The following LRRC40 variants were observed in gnomAD, a reference collection of about 807,000 sequenced individuals.
LRRC40 encodes leucine rich repeat containing 40, also known as leucine-rich repeat-containing protein 40.
A neutral mutation model predicts 72.8 loss-of-function variants in LRRC40; 76 were observed. The ratio of observed to expected loss-of-function variants is 1.04; its 90% confidence interval spans 0.87 to 1.26. The LOEUF is 1.26. Among genes scored for constraint, LRRC40 ranks in the 50% most tolerant of loss-of-function variants. The pLI, the probability that LRRC40 is intolerant of heterozygous loss-of-function variation, is 0.00. For synonymous variants in LRRC40, 243 were observed against 254.2 expected (o/e 0.96, Z 0.42); for missense variants, 684 against 698.9 (o/e 0.98, Z 0.24).
At chr1:70,159,294 T>C in intron 10 of LRRC40, 36 bp downstream of exon 10, 3 of 988,728 alleles carry the variant, frequency 3.0e-6, no homozygotes, top group Non-Finnish European at 4.5e-6. Flanking sequence ...TAAGACCCTA[T>C]CTCTATAAAA....
At chr1:70,184,018 G>A (rs1668306662) in intron 4 of LRRC40, among the ~76,000 whole-genome samples, 1 of 152,136 alleles carries the variant, frequency 6.6e-6, no homozygotes, top group Non-Finnish European at 1.5e-5. Context: ...GGAGGCTGAG[G>A]AGGGTGGATC....
intron 1 of LRRC40, among the ~76,000 whole-genome samples, chr1:70,195,756 C>T (rs1161077682): frequency 1.3e-5 from 2 of 152,140 alleles, no homozygotes; most frequent in Non-Finnish European, 2.9e-5. Flanking sequence ...CCTCAGCCTC[C>T]CGAGCAGCAG....
chr1:70,205,542 T>A lies in LRRC40; in HGVS notation c.-2A>T. The A allele has an allele frequency of 6.3e-7, 1 of 1,590,510 alleles. No homozygotes were observed. Among genetic ancestry groups the A allele is most frequent in the Non-Finnish European group, 8.6e-7 (1 of 1,162,088 alleles). On this transcript the variant is annotated 5_prime_UTR_variant, in exon 1 of 15. Transcript: ENST00000370952. ...CGCTATCCGCTTCAGGCGCGACATG[T>A]TCAAAGTCCTAGGTCCAGAAGCTGC...
At chr1:70,183,678 A>C (rs917905118) in intron 4 of LRRC40, among the ~76,000 whole-genome samples, 3 of 151,884 alleles carry the variant, frequency 2.0e-5, no homozygotes, top group Non-Finnish European at 4.4e-5. Context: ...CAGCCTTCTG[A>C]GTAGCTGAGA....
chr1:70,182,126 T>A lies in LRRC40; in HGVS notation c.538-917A>T, dbSNP rs557448805. ...AAAAATACTGGATCAAATCTTTTTT[T>A]AAAAACATACTGTTATAATTATTTT... is the stretch of plus-strand genomic sequence containing the variant. On this transcript the variant is annotated intron_variant, in intron 4 of 14. Transcript: ENST00000370952. Among the ~76,000 whole-genome samples the A allele has an allele frequency of 9.5e-4, 144 of 152,122 alleles. 5 individuals carry two copies. The highest frequency in any genetic ancestry group is 8.6e-3 in the Admixed American group (131 of 15,286).
chr1:70,151,383 G>T (rs188880087), intron 12 of LRRC40, among the ~76,000 whole-genome samples, 178 bp from the exon 13 acceptor site: 4 of 152,036 alleles, frequency 2.6e-5, no homozygotes, highest in Admixed American at 2.6e-4. Flanking sequence ...GCAGTTATTC[G>T]GTTAGTATGC....
chr1:70,157,641 G>A (rs893033107), intron 10 of LRRC40, among the ~76,000 whole-genome samples: 5 of 152,084 alleles, frequency 3.3e-5, no homozygotes, highest in Non-Finnish European at 7.4e-5. Flanking sequence ...ATGAGGGAAT[G>A]GAAGCCAGAA....
intron 1 of LRRC40, 133 bp downstream of exon 1, chr1:70,205,257 T>G: frequency 4.9e-6 from 4 of 816,330 alleles, no homozygotes; most frequent in Non-Finnish European, 7.4e-6. Flanking sequence ...AGCACAGGGA[T>G]TAGATTAGAG....
At position 70,175,872 on chromosome 1, in the gene LRRC40, TG is replaced by T. The variant is rs774764231; in HGVS notation, c.914del (p.Pro305GlnfsTer15). 1.9e-6 allele frequency: 3 copies of T among 1,601,072 alleles called. No individual in the cohort carries two copies. Among genetic ancestry groups the T allele is most frequent in the East Asian group, 4.6e-5 (2 of 43,952 alleles). On this transcript the variant is annotated frameshift_variant, in exon 7 of 15. Coordinates refer to ENST00000370952, the MANE Select transcript of LRRC40 (RefSeq NM_017768.5). LOFTEE classifies it high-confidence loss of function. ...AGGACCGTAGTAGTATAATTTCATCTGGAACAGATTTTAACTTGTTATCCCT... is the reference window on the plus strand; with the variant it reads ...AGGACCGTAGTAGTATAATTTCATCTGAACAGATTTTAACTTGTTATCCCT... ...DLRDNKLKSVPDEIILLRSLE... is the reference protein window; with the variant it reads ...DLRDNKLKSVXDEIILLRSLE...
intron 6 of LRRC40, among the ~76,000 whole-genome samples, chr1:70,178,378 A>T (rs772430620): frequency 6.6e-6 from 1 of 152,226 alleles, no homozygotes. Flanking sequence ...TTAACACTAG[A>T]GCTTAAAGGT....
Position 70,184,904 on chromosome 1 carries a change from G to A in LRRC40, c.418C>T (p.Leu140=). ...GTAATTTCTTCAGGGAGTATTTTCA[G>A]TTTATTATGGCTATTGGTTGATAAA... ...LQKLNVSHNK[L]KILPEEITNL... Residue 140 remains leucine (L), a synonymous_variant, in exon 4 of 15, where the codon CTG becomes TTG. Coordinates refer to ENST00000370952, the MANE Select transcript of LRRC40 (RefSeq NM_017768.5). The A allele has an allele frequency of 2.5e-6, 4 of 1,600,256 alleles. No homozygotes were observed. Among genetic ancestry groups the A allele is most frequent in the Non-Finnish European group, 3.4e-6 (4 of 1,169,270 alleles).
At chr1:70,179,713 A>G (rs1180676961) in intron 5 of LRRC40, among the ~76,000 whole-genome samples, 2 of 152,110 alleles carry the variant, frequency 1.3e-5, no homozygotes, top group Admixed American at 1.3e-4. Context: ...TTTCCACTCA[A>G]TTTATGAAAA....
intron 6 of LRRC40, among the ~76,000 whole-genome samples, chr1:70,176,390 G>A (rs990035501): frequency 1.3e-5 from 2 of 151,904 alleles, no homozygotes; most frequent in African/African-American, 4.8e-5. Flanking sequence ...AAATTAGCCA[G>A]GCGTGGTGGA....
At chr1:70,152,291 G>T in intron 12 of LRRC40, 142 bp downstream of exon 12, 1 of 491,860 alleles carries the variant, frequency 2.0e-6, no homozygotes. Flanking sequence ...ACTATTTTTG[G>T]ATTCTCCTAA....
intron 9 of LRRC40, among the ~76,000 whole-genome samples, chr1:70,169,461 T>C (rs527528900): frequency 1.3e-5 from 2 of 151,858 alleles, no homozygotes; most frequent in South Asian, 4.2e-4. Flanking sequence ...TGTTAATTAA[T>C]GAAATAGAGA....
At chr1:70,199,920 C>T (rs1668699851) in intron 1 of LRRC40, among the ~76,000 whole-genome samples, 1 of 151,968 alleles carries the variant, frequency 6.6e-6, no homozygotes, top group Non-Finnish European at 1.5e-5. Context: ...AAAGTTAATA[C>T]CCTCAAGACT....
intron 13 of LRRC40, among the ~76,000 whole-genome samples, chr1:70,149,965 G>T (rs577565162): frequency 6.6e-6 from 1 of 151,974 alleles, no homozygotes; most frequent in East Asian, 1.9e-4. Context: ...CTGTCGCCTA[G>T]GCTGGAGTGC....
In LRRC40 at chr1:70,173,518, G is replaced by A. The variant is rs80163912; in HGVS notation, c.1066-8C>T. 0.012 allele frequency: 19,759 copies of A among 1,603,774 alleles called. 165 individuals carry two copies. Among genetic ancestry groups the A allele is most frequent in the Non-Finnish European group, 0.014 (16,940 of 1,171,456 alleles). ...GACTTCTTGTGTTCCTTTCTAGAAG[G>A]GTGGAGACAAAGACATTCACCAAGA... On this transcript the variant is annotated splice_polypyrimidine_tract_variant and splice_region_variant and intron_variant, in intron 8 of 14. Transcript: ENST00000370952.
chr1:70,174,668 A>C (rs1224043284), intron 7 of LRRC40, among the ~76,000 whole-genome samples: 1 of 152,138 alleles, frequency 6.6e-6, no homozygotes, highest in Admixed American at 6.5e-5. Context: ...TACATGAAAG[A>C]AGCCAGACAC....
Sources: gnomAD v4.1 joint callset for allele counts (sites outside exome capture counted in the v4.1 genomes callset) on GRCh38, gnomAD v4.1.1 for gene constraint, MANE v1.5 for transcripts, NCBI Gene and HGNC (gene_info 2026-07-23, HGNC 2026-07-21) for gene names.